Variants in DLGAP1 observed in about 807,000 individuals in gnomAD.
DLGAP1 encodes DLG associated protein 1, also known as disks large-associated protein 1.
DLGAP1 carries 11 observed loss-of-function variants against 90.8 expected under a neutral mutation model. The observed-to-expected ratio is 0.12, with a 90% CI of 0.08 to 0.20. The LOEUF (loss-of-function observed/expected upper bound fraction) is 0.20, where lower values mean the gene tolerates loss of function less well. DLGAP1 is among the 10% of genes least tolerant of loss of function. The pLI, the probability that DLGAP1 is intolerant of heterozygous loss-of-function variation, is 1.00. For synonymous variants in DLGAP1, 558 were observed against 540.7 expected (o/e 1.03, Z -0.44); for missense variants, 1,050 against 1,333.8 (o/e 0.79, Z 3.31).
chr18:4,108,974 G>T (rs893168554), intron 2 of DLGAP1, among the ~76,000 whole-genome samples: 1 of 152,154 alleles, frequency 6.6e-6, no homozygotes, highest in African/African-American at 2.4e-5. Context: ...AGTACAACAG[G>T]TATAAGTTCT....
chr18:3,758,687 T>C (rs1045872449), intron 5 of DLGAP1, among the ~76,000 whole-genome samples: 7 of 152,232 alleles, frequency 4.6e-5, no homozygotes, highest in African/African-American at 1.7e-4. Context: ...AGGAATCACA[T>C]GTCCTCCATA....
intron 3 of DLGAP1, among the ~76,000 whole-genome samples, chr18:3,918,409 T>C (rs2072193043): frequency 6.6e-6 from 1 of 152,172 alleles, no homozygotes; most frequent in African/African-American, 2.4e-5. Flanking sequence ...TTCTGTGAAA[T>C]AAAAATACTG....
At chr18:3,685,322 G>C (rs2146944896) in intron 7 of DLGAP1, among the ~76,000 whole-genome samples, 1 of 152,258 alleles carries the variant, frequency 6.6e-6, no homozygotes, top group East Asian at 1.9e-4. Flanking sequence ...AGCACTTTGG[G>C]AGGCCAAGGC....
intron 1 of DLGAP1, among the ~76,000 whole-genome samples, chr18:4,211,698 C>G (rs898897399): frequency 6.6e-6 from 1 of 152,114 alleles, no homozygotes; most frequent in African/African-American, 2.4e-5. Context: ...TTAGCTTCCA[C>G]AGAGAAACAA....
chr18:4,070,999 T>C (rs1469446104), intron 2 of DLGAP1, among the ~76,000 whole-genome samples: 4 of 152,202 alleles, frequency 2.6e-5, no homozygotes, highest in Non-Finnish European at 4.4e-5. Flanking sequence ...TCAACTGAGA[T>C]TTGCTTCTTT....
chr18:3,926,759 A>G (rs1258281520), intron 3 of DLGAP1, among the ~76,000 whole-genome samples: 1 of 152,120 alleles, frequency 6.6e-6, no homozygotes, highest in East Asian at 1.9e-4. Context: ...CAGCAATGAC[A>G]TGTTAGTAGC....
At chr18:3,946,108 G>A (rs934034746) in intron 3 of DLGAP1, among the ~76,000 whole-genome samples, 2 of 151,764 alleles carry the variant, frequency 1.3e-5, no homozygotes, top group African/African-American at 4.9e-5. Flanking sequence ...TATGACATAG[G>A]TACTTTATTC....
At chr18:4,285,587 C>T (rs1227876713) in intron 1 of DLGAP1, among the ~76,000 whole-genome samples, 1 of 152,218 alleles carries the variant, frequency 6.6e-6, no homozygotes, top group African/African-American at 2.4e-5. Context: ...ATGAATCAGA[C>T]AGTCCCCAGA....
intron 1 of DLGAP1, among the ~76,000 whole-genome samples, chr18:4,446,855 AAGT>A (rs1057178347): frequency 1.3e-5 from 2 of 152,144 alleles, no homozygotes; most frequent in African/African-American, 4.8e-5. Flanking sequence ...TAACAAAAAG[AAGT>A]AGGAGAGTGG....
intron 7 of DLGAP1, among the ~76,000 whole-genome samples, chr18:3,648,332 A>G (rs2059190064): frequency 6.6e-6 from 1 of 152,246 alleles, no homozygotes; most frequent in African/African-American, 2.4e-5. Flanking sequence ...ACCGTTGTAT[A>G]TACAGCTGTG....
At chr18:3,834,024 G>A (rs2068215898) in intron 4 of DLGAP1, among the ~76,000 whole-genome samples, 1 of 152,094 alleles carries the variant, frequency 6.6e-6, no homozygotes, top group Non-Finnish European at 1.5e-5. Flanking sequence ...AGAGATTTAT[G>A]GGCCGGGCGT....
At chr18:3,561,083 T>G (rs1360918900) in intron 9 of DLGAP1, among the ~76,000 whole-genome samples, 2 of 150,526 alleles carry the variant, frequency 1.3e-5, no homozygotes, top group Admixed American at 6.6e-5. Context: ...TTTTTGCAAT[T>G]GCTATTTTGA....
intron 3 of DLGAP1, chr18:3,895,695 C>T (rs2071605600): frequency 6.6e-6 from 1 of 152,264 alleles, no homozygotes; most frequent in South Asian, 2.1e-4. Context: ...AGAGCAGAGC[C>T]ACTGTGCTGA....
At position 3,583,143 on chromosome 18, in the gene DLGAP1, G is replaced by GACCTACCTACCT. The variant is rs764967145; in HGVS notation, c.1592-907_1592-896dup. Reference sequence around the variant, plus strand: ...TTTCTGTCTTTCTGCCTGACTGACCGACCTACCTACCTACCTACCTACCTA... The same window carrying GACCTACCTACCT: ...TTTCTGTCTTTCTGCCTGACTGACCGACCTACCTACCTACCTACCTACCTACCTACCTACCTA... On this transcript the variant is annotated intron_variant, in intron 7 of 12. Transcript: ENST00000315677. Among the ~76,000 whole-genome samples, 334 of 113,716 alleles carry GACCTACCTACCT rather than the reference G, an allele frequency of 2.9e-3. 2 individuals are homozygous for GACCTACCTACCT. Among genetic ancestry groups the GACCTACCTACCT allele is most frequent in the Middle Eastern group, 0.015 (3 of 204 alleles). The allele number at this position is 113,716 out of a possible 152,430, so 74.6% of individuals were successfully genotyped here.
intron 9 of DLGAP1, among the ~76,000 whole-genome samples, chr18:3,553,784 C>T (rs985904546): frequency 3.3e-5 from 5 of 152,112 alleles, no homozygotes; most frequent in Admixed American, 1.3e-4. Flanking sequence ...CCACCCACCT[C>T]GGTCCCCCAA....
chr18:3,599,560 G>A (rs1466519748), intron 7 of DLGAP1, among the ~76,000 whole-genome samples: 1 of 152,208 alleles, frequency 6.6e-6, no homozygotes, highest in African/African-American at 2.4e-5. Context: ...ATGGAGTGGT[G>A]ACAGGCGTGC....
chr18:4,149,361 G>C (rs1228559009), intron 2 of DLGAP1, among the ~76,000 whole-genome samples: 1 of 152,120 alleles, frequency 6.6e-6, no homozygotes, highest in Non-Finnish European at 1.5e-5. Flanking sequence ...ATTATTTAAT[G>C]TCTTTAAAAC....
chr18:4,429,244 C>G (rs552200113), intron 1 of DLGAP1, among the ~76,000 whole-genome samples: 1 of 152,242 alleles, frequency 6.6e-6, no homozygotes, highest in East Asian at 1.9e-4. Context: ...ATAAATTGAA[C>G]TTCATTTAAT....
chr18:3,871,828 G>C (rs2070764725), intron 4 of DLGAP1, among the ~76,000 whole-genome samples: 1 of 152,198 alleles, frequency 6.6e-6, no homozygotes, highest in African/African-American at 2.4e-5. Context: ...TATTTTAGAA[G>C]TATTGTTGCA....
Sources: gnomAD v4.1 joint callset for allele counts (sites outside exome capture counted in the v4.1 genomes callset) on GRCh38, gnomAD v4.1.1 for gene constraint, MANE v1.5 for transcripts, NCBI Gene and HGNC (gene_info 2026-07-23, HGNC 2026-07-21) for gene names.